PAFAH1B1: variants seen among roughly 807,000 people sequenced by gnomAD.
PAFAH1B1 encodes the protein platelet-activating factor acetylhydrolase IB subunit beta.
PAFAH1B1 carries 2 observed loss-of-function variants against 57.5 expected under a neutral mutation model. The ratio of observed to expected loss-of-function variants is 0.03; its 90% confidence interval spans 0.01 to 0.11. The LOEUF is 0.11. PAFAH1B1 is among the 10% of genes least tolerant of loss of function. The pLI, the probability that PAFAH1B1 is intolerant of heterozygous loss-of-function variation, is 1.00. For missense variants in PAFAH1B1, 257 were observed against 512.0 expected (o/e 0.50, Z 4.81); for synonymous variants, 152 against 169.6 (o/e 0.90, Z 0.81).
chr17:2,607,439 C>T lies in PAFAH1B1; in HGVS notation c.-191+13433C>T, dbSNP rs549322907. 4.5e-4 allele frequency among the ~76,000 whole-genome samples: 65 copies of T among 144,468 alleles called. No homozygotes were observed. In the South Asian group the frequency reaches 0.012, roughly 27 times the overall value. The allele number at this position is 144,468 out of a possible 152,430, so 94.8% of individuals were successfully genotyped here. On this transcript the variant is annotated intron_variant, in intron 1 of 10. Transcript: ENST00000397195. ...ATCTGTCTGCCTGGGCCTCCCAAAG[C>T]GCTGGGATTACAGGTGTGAGCCACC...
At chr17:2,616,287 C>G (rs898660512) in intron 1 of PAFAH1B1, among the ~76,000 whole-genome samples, 5 of 152,118 alleles carry the variant, frequency 3.3e-5, no homozygotes, top group Admixed American at 2.6e-4. Context: ...AATACTACTG[C>G]TGGAGTATGG....
In PAFAH1B1 at chr17:2,674,414, T is replaced by C. The variant is rs1042350153; in HGVS notation, c.900+126T>C. 1.5e-5 allele frequency: 11 copies of C among 732,830 alleles called. No individual in the cohort carries two copies. In the South Asian group the frequency reaches 1.7e-4, roughly 11 times the overall value. The allele number at this position is 732,830 out of a possible 1,614,324, so 45.4% of individuals were successfully genotyped here. Reference sequence around the variant, plus strand: ...AATCTGCATCCAGCAATTCTGAATCTTGAAATTCTCTACTCTTCACAGCTT... The same window carrying C: ...AATCTGCATCCAGCAATTCTGAATCCTGAAATTCTCTACTCTTCACAGCTT... On this transcript the variant is annotated intron_variant, in intron 8 of 10. Transcript: ENST00000397195.
intron 10 of PAFAH1B1, among the ~76,000 whole-genome samples, chr17:2,680,654 CT>C (rs2069368866): frequency 6.6e-6 from 1 of 152,204 alleles, no homozygotes; most frequent in Admixed American, 6.5e-5. Flanking sequence ...CTTCCTCAAC[CT>C]TTCCCACTGG....
At chr17:2,593,362 A>C (rs1225262635), upstream of PAFAH1B1, 1 of 152,666 alleles carries the variant, frequency 6.6e-6, no homozygotes, top group African/African-American at 2.4e-5. Flanking sequence ...AAGGGGCCGC[A>C]AGTCAGACGA....
At chr17:2,616,474 A>G (rs1208319600) in intron 1 of PAFAH1B1, among the ~76,000 whole-genome samples, 1 of 152,158 alleles carries the variant, frequency 6.6e-6, no homozygotes, top group Admixed American at 6.6e-5. Context: ...TTGCATCTCA[A>G]GTCCAAACGC....
At chr17:2,627,615 A>G (rs2068509055) in intron 1 of PAFAH1B1, among the ~76,000 whole-genome samples, 1 of 152,186 alleles carries the variant, frequency 6.6e-6, no homozygotes, top group African/African-American at 2.4e-5. Flanking sequence ...CATTTTTTGT[A>G]ATTCTATGAA....
chr17:2,630,283 A>G (rs1401932037), intron 1 of PAFAH1B1, among the ~76,000 whole-genome samples: 1 of 152,178 alleles, frequency 6.6e-6, no homozygotes, highest in African/African-American at 2.4e-5. Flanking sequence ...TCCGTTTAGC[A>G]GTTCTTGTAA....
At chr17:2,676,668 A>G (rs951477436) in intron 9 of PAFAH1B1, 62 bp downstream of exon 9, 102 of 915,166 alleles carry the variant, frequency 1.1e-4, no homozygotes, top group Non-Finnish European at 1.8e-4. Flanking sequence ...TTTTGGATTA[A>G]TGCTTTATGA....
intron 1 of PAFAH1B1, among the ~76,000 whole-genome samples, chr17:2,603,693 G>C (rs532964665): frequency 6.6e-5 from 10 of 151,524 alleles, no homozygotes; most frequent in Non-Finnish European, 1.5e-4. Context: ...TCATAAGAAG[G>C]GGGAAAATCT....
At chr17:2,606,603 G>A (rs1233741614) in intron 1 of PAFAH1B1, among the ~76,000 whole-genome samples, 1 of 151,936 alleles carries the variant, frequency 6.6e-6, no homozygotes, top group Non-Finnish European at 1.5e-5. Context: ...CTTCAGGCCC[G>A]CCTTGGCCTC....
intron 8 of PAFAH1B1, among the ~76,000 whole-genome samples, chr17:2,675,619 C>T (rs559192417): frequency 8.1e-5 from 12 of 147,810 alleles, no homozygotes; most frequent in South Asian, 6.5e-4. Flanking sequence ...AGCGAGACCC[C>T]GTCTCTACAG....
intron 9 of PAFAH1B1, among the ~76,000 whole-genome samples, chr17:2,678,480 C>T (rs911780292): frequency 2.0e-5 from 3 of 151,238 alleles, no homozygotes; most frequent in Non-Finnish European, 4.4e-5. Context: ...GCTTGAGAAT[C>T]GTTTGCACCT....
At chr17:2,594,104 G>GTCCCCTCCCTCCCATTCTCCCC in intron 1 of PAFAH1B1, 98 bp downstream of exon 1, 1 of 395,186 alleles carries the variant, frequency 2.5e-6, no homozygotes, top group East Asian at 3.6e-5. Context: ...GGCTGCGCCG[G>GTCCCCTCCCTCCCATTCTCCCC]TCCCCTCCCT....
At chr17:2,635,833 G>A (rs1451220354) in intron 1 of PAFAH1B1, among the ~76,000 whole-genome samples, 1 of 151,652 alleles carries the variant, frequency 6.6e-6, no homozygotes, top group Admixed American at 6.6e-5. Context: ...AGGCATGGTG[G>A]CTCATGCTTG....
At chr17:2,597,128 T>G (rs901828209) in intron 1 of PAFAH1B1, among the ~76,000 whole-genome samples, 34 of 152,282 alleles carry the variant, frequency 2.2e-4, no homozygotes, top group African/African-American at 8.2e-4. Context: ...ATCAGGAGCT[T>G]AAGATAATTT....
At chr17:2,596,831 G>C (rs541219477) in intron 1 of PAFAH1B1, among the ~76,000 whole-genome samples, 1 of 152,196 alleles carries the variant, frequency 6.6e-6, no homozygotes, top group African/African-American at 2.4e-5. Context: ...GGCCGAGGCA[G>C]GTGGATCACC....
intron 5 of PAFAH1B1, among the ~76,000 whole-genome samples, chr17:2,668,950 T>C (rs1409257752): frequency 6.6e-6 from 1 of 152,116 alleles, no homozygotes; most frequent in Non-Finnish European, 1.5e-5. Flanking sequence ...CACTCCAGCC[T>C]GGGCGACAAG....
At chr17:2,671,357 C>T (rs1025933327) in intron 6 of PAFAH1B1, among the ~76,000 whole-genome samples, 25 of 151,780 alleles carry the variant, frequency 1.6e-4, no homozygotes, top group Non-Finnish European at 2.4e-4. Flanking sequence ...TATAGGCACG[C>T]GCCACCACGC....
chr17:2,597,015 C>G (rs377370020), intron 1 of PAFAH1B1, among the ~76,000 whole-genome samples: 3 of 152,154 alleles, frequency 2.0e-5, no homozygotes, highest in South Asian at 4.2e-4. Flanking sequence ...GAGCCGAGAT[C>G]GTGCCACTGT....
Sources: allele counts gnomAD v4.1 joint callset (sites outside exome capture counted in the v4.1 genomes callset), GRCh38; gene constraint gnomAD v4.1.1; transcripts MANE v1.5; gene names NCBI Gene and HGNC (gene_info 2026-07-23, HGNC 2026-07-21).